ARHGEF3: variants seen among roughly 807,000 people sequenced by gnomAD.
ARHGEF3 encodes the protein 59.8 kDA protein.
ARHGEF3 carries 28 observed loss-of-function variants against 63.2 expected under a neutral mutation model. The ratio of observed to expected loss-of-function variants is 0.44; its 90% CI spans 0.33 to 0.61. The LOEUF (loss-of-function observed/expected upper bound fraction) is 0.61. Among genes scored for constraint, ARHGEF3 ranks in the 20% least tolerant of loss-of-function variants. The pLI, the probability that ARHGEF3 is intolerant of heterozygous loss-of-function variation, is 0.03. For missense variants in ARHGEF3, 533 were observed against 659.3 expected, an observed-to-expected ratio of 0.81 and a Z score of 2.10; for synonymous variants, 266 against 254.2, an observed-to-expected ratio of 1.05 and a Z score of -0.44.
chr3:56,851,432 T>C (rs1240359587), intron 4 of ARHGEF3, among the ~76,000 whole-genome samples: 1 of 152,158 alleles, frequency 6.6e-6, no homozygotes, highest in Non-Finnish European at 1.5e-5. Context: ...ACAGGCTGGG[T>C]GGTTTGTAAA....
chr3:56,757,962 T>C (rs1248263082), intron 2 of ARHGEF3, among the ~76,000 whole-genome samples: 1 of 149,276 alleles, frequency 6.7e-6, no homozygotes, highest in Non-Finnish European at 1.5e-5. Flanking sequence ...GACCTCGTGA[T>C]CCGCCCGCCT....
chr3:56,815,063 G>A lies in ARHGEF3; in HGVS notation c.193-41247C>T, dbSNP rs1398481051. 2.6e-5 allele frequency among the ~76,000 whole-genome samples: 4 copies of A among 151,838 alleles called. No homozygotes were observed. The East Asian group carries it at 7.7e-4, about 29-fold the overall frequency. On this transcript the variant is annotated intron_variant, in intron 4 of 12. Transcript: ENST00000338458. ...GGAGGCTGAGGCAGGGTGATTGCTT[G>A]AGCCTAAGAGTTTGAGGCTGCAGTG...
At chr3:56,855,026 A>G (rs2039819371) in intron 4 of ARHGEF3, among the ~76,000 whole-genome samples, 1 of 152,154 alleles carries the variant, frequency 6.6e-6, no homozygotes, top group South Asian at 2.1e-4. Context: ...AAGTCACTAG[A>G]TATGGCCATG....
intron 1 of ARHGEF3, among the ~76,000 whole-genome samples, chr3:57,062,170 T>TCAAA (rs10631759): frequency 0.86 from 131,272 of 151,806 alleles, 56,833 homozygotes; most frequent in East Asian, 0.96. Context: ...CTGGAGCAGC[T>TCAAA]CAGTCATGTG....
intron 3 of ARHGEF3, among the ~76,000 whole-genome samples, chr3:56,934,728 C>T (rs368649534): frequency 3.5e-4 from 54 of 152,362 alleles, no homozygotes; most frequent in Non-Finnish European, 5.9e-4. Context: ...ACCTGCAGCC[C>T]GCCGTGCCTG....
chr3:57,054,712 C>T lies in ARHGEF3; in HGVS notation c.-27-19536G>A, dbSNP rs914285293. ...AGGCTGGAGTGCAGTAGTGCAGTGG[C>T]GCAATCTCAGCTCACTGCAACCTCT... On this transcript the variant is annotated intron_variant, in intron 1 of 12. Coordinates refer to the ARHGEF3 transcript ENST00000338458. 1.2e-4 allele frequency among the ~76,000 whole-genome samples: 17 copies of T among 147,400 alleles called. 1 individual carries two copies. The highest frequency in any genetic ancestry group is 3.5e-3 in the Middle Eastern group (1 of 288).
chr3:56,778,953 T>C (rs1401012410), intron 1 of ARHGEF3, among the ~76,000 whole-genome samples: 1 of 152,142 alleles, frequency 6.6e-6, no homozygotes. Context: ...TTGCTGACTG[T>C]TGTTTGCTGA....
intron 1 of ARHGEF3, among the ~76,000 whole-genome samples, chr3:56,794,396 G>A (rs6793417): frequency 0.26 from 38,935 of 150,578 alleles, 7,009 homozygotes; most frequent in African/African-American, 0.52. Context: ...GCTCAGACAG[G>A]AGAACAGCTT....
At chr3:56,753,210 C>T (rs757671160) in intron 4 of ARHGEF3, among the ~76,000 whole-genome samples, 18 of 152,200 alleles carry the variant, frequency 1.2e-4, no homozygotes, top group Non-Finnish European at 1.9e-4. Flanking sequence ...ACATATGAGA[C>T]TTCTAGGACA....
intron 2 of ARHGEF3, among the ~76,000 whole-genome samples, chr3:56,757,507 A>T (rs922291168): frequency 6.6e-6 from 1 of 152,134 alleles, no homozygotes; most frequent in Admixed American, 6.5e-5. Flanking sequence ...TACCTGCTGG[A>T]TGGAATATTA....
At chr3:56,730,690 T>A (rs978967576) in intron 9 of ARHGEF3, among the ~76,000 whole-genome samples, 1 of 152,136 alleles carries the variant, frequency 6.6e-6, no homozygotes, top group African/African-American at 2.4e-5. Context: ...CTATTTAATC[T>A]AATAACAACA....
chr3:56,846,014 C>A (rs567947342), intron 4 of ARHGEF3, among the ~76,000 whole-genome samples: 19 of 152,312 alleles, frequency 1.2e-4, no homozygotes, highest in African/African-American at 4.3e-4. Context: ...CTCGCTCTCT[C>A]GCTGCTTTAA....
At chr3:56,821,320 T>C (rs1357823724) in intron 4 of ARHGEF3, among the ~76,000 whole-genome samples, 1 of 152,186 alleles carries the variant, frequency 6.6e-6, no homozygotes, top group Non-Finnish European at 1.5e-5. Flanking sequence ...TGAAGCTGGA[T>C]GATGGTGACC....
At chr3:56,778,045 T>G (rs1028602001) in intron 1 of ARHGEF3, among the ~76,000 whole-genome samples, 1 of 152,218 alleles carries the variant, frequency 6.6e-6, no homozygotes, top group African/African-American at 2.4e-5. Flanking sequence ...CCAAGGGTCA[T>G]GTTTAATCCA....
At chr3:56,916,340 A>G in intron 3 of ARHGEF3, 10 of 1,535,374 alleles carry the variant, frequency 6.5e-6, no homozygotes, top group Admixed American at 2.0e-5. Flanking sequence ...GCACCACACC[A>G]TGGGGCGCTC....
chr3:57,073,454 TAGTGGAAAC>T lies in ARHGEF3; in HGVS notation c.-28+5763_-28+5771del, dbSNP rs1223323564. The T allele has an allele frequency of 1.8e-5, 9 of 502,470 alleles. No individual in the cohort carries two copies. In the Admixed American group the frequency reaches 1.9e-4, roughly 11 times the overall value. 31.1% of individuals were successfully genotyped at this position (502,470 alleles called of 1,614,324 possible). A position where few individuals can be genotyped will look rare whatever the true frequency, so the allele number is the denominator to read the frequency against. On this transcript the variant is annotated intron_variant, in intron 1 of 12. Coordinates refer to the ARHGEF3 transcript ENST00000338458. ...GGACAAGCGTGAAAGAGCTTCCAAG[TAGTGGAAAC>T]AGCAGAAGCAAAGATGTGAACATGG...
rs2037560683 is a variant in ARHGEF3, at chr3:56,799,962, CCATA to C, written c.96+1737_96+1740del. ...CCTTATTTCTCACATCAGGATATCC[CCATA>C]CGAGGAAAATAAGTCATATTTTATA... On this transcript the variant is annotated intron_variant, in intron 1 of 9. Transcript: ENST00000296315. Among the ~76,000 whole-genome samples, 14 of 152,214 alleles carry C rather than the reference CCATA, an allele frequency of 9.2e-5. No individual in the cohort carries two copies. In the South Asian group the frequency reaches 2.7e-3, roughly 29 times the overall value.
At chr3:56,992,256 CAG>C (rs2106955824) in intron 2 of ARHGEF3, among the ~76,000 whole-genome samples, 1 of 151,568 alleles carries the variant, frequency 6.6e-6, no homozygotes, top group Admixed American at 6.6e-5. Flanking sequence ...GTACAAGAGT[CAG>C]AGAAAAATGA....
At chr3:56,774,920 CAACAACAA>C (rs1211917600) in intron 1 of ARHGEF3, 2 of 1,187,322 alleles carry the variant, frequency 1.7e-6, no homozygotes, top group Non-Finnish European at 2.2e-6. Context: ...CAAACAACAA[CAACAACAA>C]AAAAAAAACA....
Sources: allele counts gnomAD v4.1 joint callset (sites outside exome capture counted in the v4.1 genomes callset), GRCh38; gene constraint gnomAD v4.1.1; transcripts MANE v1.5; gene names NCBI Gene and HGNC (gene_info 2026-07-23, HGNC 2026-07-21).